Variants in DCC observed in about 807,000 individuals in gnomAD.
DCC encodes the protein DCC netrin 1 receptor.
A neutral mutation model predicts 172.5 loss-of-function variants in DCC; 58 were observed. That is an observed-to-expected ratio of 0.34 (90% CI 0.27 to 0.42). The LOEUF is 0.42. Ranked by LOEUF, DCC falls within the 10% of genes least tolerant of loss-of-function variation. The pLI, the probability that DCC is intolerant of heterozygous loss-of-function variation, is 1.00. For missense variants in DCC, 1,740 were observed against 1,791.0 expected (o/e 0.97, Z 0.51); for synonymous variants, 709 against 644.5 (o/e 1.10, Z -1.52).
At chr18:53,185,095 C>T (rs1057363232) in intron 9 of DCC, among the ~76,000 whole-genome samples, 1 of 152,022 alleles carries the variant, frequency 6.6e-6, no homozygotes, top group African/African-American at 2.4e-5. Flanking sequence ...TGGTAGCATA[C>T]AAATACATTA....
At chr18:52,820,414 T>A (rs938162613) in intron 2 of DCC, among the ~76,000 whole-genome samples, 4 of 152,244 alleles carry the variant, frequency 2.6e-5, no homozygotes, top group Admixed American at 2.0e-4. Flanking sequence ...CACATGGATT[T>A]TTTTATTTAA....
intron 1 of DCC, among the ~76,000 whole-genome samples, chr18:52,716,260 C>T (rs763923877): frequency 2.0e-5 from 3 of 152,228 alleles, no homozygotes; most frequent in East Asian, 1.9e-4. Context: ...TAATCTGGCA[C>T]GTTGGCGGTT....
chr18:52,490,347 G>A (rs1045105024), intron 1 of DCC, among the ~76,000 whole-genome samples: 1 of 151,972 alleles, frequency 6.6e-6, no homozygotes, highest in Non-Finnish European at 1.5e-5. Flanking sequence ...GTAAGAAAGT[G>A]TTTTTTTCTT....
At chr18:52,909,698 T>C (rs1279064146) in intron 3 of DCC, among the ~76,000 whole-genome samples, 1 of 152,186 alleles carries the variant, frequency 6.6e-6, no homozygotes, top group East Asian at 1.9e-4. Flanking sequence ...TTTCACTTTA[T>C]TCATTACGTA....
chr18:52,699,371 G>C (rs183338285), intron 1 of DCC, among the ~76,000 whole-genome samples: 8 of 152,248 alleles, frequency 5.3e-5, no homozygotes, highest in Non-Finnish European at 8.8e-5. Context: ...AATTTTCTCT[G>C]AAACAGCAGA....
rs909293840 is a variant in DCC, at chr18:53,459,129, C to T, written c.3393-103C>T. The T allele has an allele frequency of 1.4e-4, 135 of 943,912 alleles. No individual in the cohort carries two copies. In the African/African-American group the frequency reaches 2.0e-3, roughly 14 times the overall value. 58.5% of individuals were successfully genotyped at this position (943,912 alleles called of 1,614,324 possible). On this transcript the variant is annotated intron_variant, in intron 23 of 28. Transcript: ENST00000442544. The stretch of plus-strand genomic sequence containing the variant: ...GTTTCACAGGGCTCATTCTGCGAGT[C>T]CTTTTGTTTCCTTTCCTGCTTCTAA...
Position 52,752,368 on chromosome 18 carries a change from G to A in DCC, c.406G>A (p.Val136Ile), listed in dbSNP as rs2037009804. Reference sequence around the variant, plus strand: ...TATTAGTCGGACAGCAAAAGTTGCAGTAGCAGGTAGGTGGATTCTTCCTTC... The same window carrying A: ...TATTAGTCGGACAGCAAAAGTTGCAATAGCAGGTAGGTGGATTCTTCCTTC... ...SIISRTAKVA[V>I]AGPLRFLSQT... Residue 136 changes from valine to isoleucine, a missense_variant, in exon 2 of 29, where the codon GTA becomes ATA. Val to Ile is a conservative substitution (Grantham distance 29). Coordinates refer to ENST00000442544, the MANE Select transcript of DCC (RefSeq NM_005215.4). 2 of 1,613,120 alleles carry A rather than the reference G, an allele frequency of 1.2e-6. No homozygotes were observed. The highest frequency in any genetic ancestry group is 1.1e-5 in the South Asian group (1 of 91,062).
intron 5 of DCC, among the ~76,000 whole-genome samples, chr18:52,986,272 A>G (rs1229040437): frequency 2.0e-5 from 3 of 152,188 alleles, no homozygotes; most frequent in Non-Finnish European, 4.4e-5. Flanking sequence ...AAGTTTCTTT[A>G]GAGAGTAGTA....
intron 7 of DCC, among the ~76,000 whole-genome samples, chr18:53,088,174 A>C (rs913085289): frequency 2.0e-5 from 3 of 152,160 alleles, no homozygotes; most frequent in Non-Finnish European, 4.4e-5. Flanking sequence ...ATGGCATTGA[A>C]TCTATAAATT....
At chr18:53,077,963 G>A (rs2042744854) in intron 7 of DCC, among the ~76,000 whole-genome samples, 1 of 152,166 alleles carries the variant, frequency 6.6e-6, no homozygotes, top group Non-Finnish European at 1.5e-5. Flanking sequence ...GGTTAAATGT[G>A]TGAACCGTCT....
At chr18:52,777,400 C>T (rs2037453472) in intron 2 of DCC, among the ~76,000 whole-genome samples, 1 of 152,166 alleles carries the variant, frequency 6.6e-6, no homozygotes, top group East Asian at 1.9e-4. Context: ...ATCTCAGTCT[C>T]CATAATCACA....
chr18:53,145,269 A>T (rs1025435013), intron 7 of DCC, among the ~76,000 whole-genome samples: 10 of 151,490 alleles, frequency 6.6e-5, no homozygotes, highest in African/African-American at 2.4e-4. Context: ...GCCCGCCACC[A>T]CGCCCCGCTA....
At chr18:52,992,511 T>C (rs1439889934) in intron 5 of DCC, among the ~76,000 whole-genome samples, 1 of 152,118 alleles carries the variant, frequency 6.6e-6, no homozygotes, top group South Asian at 2.1e-4. Context: ...TTAATTTCTT[T>C]ATCCAGTTCT....
intron 12 of DCC, among the ~76,000 whole-genome samples, chr18:53,266,451 G>A (rs2056675873): frequency 6.6e-6 from 1 of 152,084 alleles, no homozygotes; most frequent in African/African-American, 2.4e-5. Context: ...AGAGTTCAAG[G>A]TGAAGTAATT....
At chr18:52,806,324 A>T (rs2145237519) in intron 2 of DCC, among the ~76,000 whole-genome samples, 1 of 152,310 alleles carries the variant, frequency 6.6e-6, no homozygotes, top group Non-Finnish European at 1.5e-5. Context: ...ACTTACATTG[A>T]TACATCATTA....
intron 1 of DCC, among the ~76,000 whole-genome samples, chr18:52,655,151 G>T (rs2035221316): frequency 6.6e-6 from 1 of 151,920 alleles, no homozygotes; most frequent in Non-Finnish European, 1.5e-5. Context: ...AGAGAAGAGG[G>T]GAACAACATA....
intron 5 of DCC, among the ~76,000 whole-genome samples, chr18:53,050,853 A>C (rs2042324389): frequency 6.6e-6 from 1 of 152,170 alleles, no homozygotes; most frequent in Non-Finnish European, 1.5e-5. Context: ...TGCAAAAAGG[A>C]AAAGAGATAT....
intron 14 of DCC, among the ~76,000 whole-genome samples, chr18:53,328,894 A>T (rs1480444245): frequency 6.6e-6 from 1 of 152,180 alleles, no homozygotes; most frequent in Non-Finnish European, 1.5e-5. Flanking sequence ...TCTGACAGTA[A>T]TATGAAATAC....
intron 7 of DCC, among the ~76,000 whole-genome samples, chr18:53,114,877 A>G (rs1350124993): frequency 1.3e-5 from 2 of 151,634 alleles, no homozygotes; most frequent in African/African-American, 4.8e-5. Context: ...AGAAATTTTT[A>G]TACACTTGAT....
Sources: allele counts gnomAD v4.1 joint callset (sites outside exome capture counted in the v4.1 genomes callset), GRCh38; gene constraint gnomAD v4.1.1; transcripts MANE v1.5; gene names NCBI Gene and HGNC (gene_info 2026-07-23, HGNC 2026-07-21).